MCTP1: variants seen among roughly 807,000 people sequenced by gnomAD.
The protein encoded by MCTP1 is multiple C2 and transmembrane domain-containing protein 1.
In MCTP1, 69 loss-of-function variants were observed where a neutral mutation model predicts 120.6. That is an observed-to-expected ratio of 0.57 (90% CI 0.47 to 0.70). The LOEUF is 0.70. MCTP1 is among the 30% of genes least tolerant of loss of function. The pLI is 0.00. For missense variants in MCTP1, 1,203 were observed against 1,248.8 expected (o/e 0.96, Z 0.55); for synonymous variants, 529 against 493.1 (o/e 1.07, Z -0.96).
At chr5:95,091,591 G>A (rs1755848823) in intron 1 of MCTP1, among the ~76,000 whole-genome samples, 1 of 152,170 alleles carries the variant, frequency 6.6e-6, no homozygotes, top group South Asian at 2.1e-4. Flanking sequence ...GCCTTGCTGT[G>A]AGGAAGCCCA....
chr5:94,850,705 T>A (rs1793516800), intron 17 of MCTP1, among the ~76,000 whole-genome samples: 1 of 152,136 alleles, frequency 6.6e-6, no homozygotes, highest in African/African-American at 2.4e-5. Flanking sequence ...CTGAATAATG[T>A]ACATTGCTTT....
chr5:94,731,813 AC>A (rs1763172497), intron 19 of MCTP1, among the ~76,000 whole-genome samples: 1 of 152,242 alleles, frequency 6.6e-6, no homozygotes, highest in Admixed American at 6.5e-5. Flanking sequence ...TTATAAATTA[AC>A]ATTAAAAATT....
intron 18 of MCTP1, 32 bp downstream of exon 18, chr5:94,798,981 A>C (rs764028030): frequency 1.2e-5 from 19 of 1,594,512 alleles, no homozygotes; most frequent in Admixed American, 1.8e-5. Flanking sequence ...ATAAGAACAA[A>C]AACACATACA....
Position 95,031,801 on chromosome 5 carries a change from C to T in MCTP1, c.721-14317G>A, listed in dbSNP as rs554089308. ...CACTAAAAAGACATAGAGTGGCAAACGGGACAACAGCAACAAAGATCCAAT... is the reference window on the plus strand; with the variant it reads ...CACTAAAAAGACATAGAGTGGCAAATGGGACAACAGCAACAAAGATCCAAT... On this transcript the variant is annotated intron_variant, in intron 1 of 22. Transcript: ENST00000515393. Among the ~76,000 whole-genome samples, 8 of 152,132 alleles carry T rather than the reference C, an allele frequency of 5.3e-5. No homozygotes were observed. The South Asian group carries it at 6.2e-4, about 12-fold the overall frequency.
chr5:95,114,258 AAAAGT>A (rs1234955460), intron 1 of MCTP1, among the ~76,000 whole-genome samples: 1 of 152,204 alleles, frequency 6.6e-6, no homozygotes, highest in Non-Finnish European at 1.5e-5. Flanking sequence ...ATGCAGAAAG[AAAAGT>A]AAAGAGCACT....
Position 95,105,911 on chromosome 5 carries a change from G to A in MCTP1, c.721-88427C>T, listed in dbSNP as rs117189733. On this transcript the variant is annotated intron_variant, in intron 1 of 22. Transcript: ENST00000515393. ...CATCTTTTTCTCACCATGTGTTATA[G>A]GTTTCGAGGCTCAGAAACTCCAAGT... Among the ~76,000 whole-genome samples, 342 of 152,178 alleles carry A rather than the reference G, an allele frequency of 2.2e-3. 2 individuals are homozygous for A. Among genetic ancestry groups the A allele is most frequent in the East Asian group, 8.7e-3 (45 of 5,170 alleles).
intron 2 of MCTP1, among the ~76,000 whole-genome samples, chr5:95,014,727 T>A (rs1836742996): frequency 6.6e-6 from 1 of 152,158 alleles, no homozygotes. Context: ...AATAGTTCAT[T>A]GACTTAGTTG....
intron 18 of MCTP1, among the ~76,000 whole-genome samples, chr5:94,790,506 T>C (rs866557042): frequency 1.3e-5 from 2 of 152,016 alleles, no homozygotes; most frequent in Non-Finnish European, 1.5e-5. Flanking sequence ...GTGTGTTGGG[T>C]TAATAGGATG....
chr5:94,990,582 C>A (rs1831344552), intron 2 of MCTP1, among the ~76,000 whole-genome samples: 1 of 152,194 alleles, frequency 6.6e-6, no homozygotes, highest in Non-Finnish European at 1.5e-5. Context: ...TGATTAAGAC[C>A]ACCAAAGATC....
intron 5 of MCTP1, 72 bp from the exon 6 acceptor site, chr5:94,932,063 G>T: frequency 9.3e-7 from 1 of 1,070,990 alleles, no homozygotes; most frequent in Non-Finnish European, 1.4e-6. Context: ...TTGTTTTTTA[G>T]CGGAAACATT....
At chr5:94,874,435 CTTTAA>C (rs1351776205) in intron 12 of MCTP1, among the ~76,000 whole-genome samples, 1 of 152,048 alleles carries the variant, frequency 6.6e-6, no homozygotes, top group Non-Finnish European at 1.5e-5. Context: ...TTTGACTCAC[CTTTAA>C]TTTATTAACT....
intron 19 of MCTP1, among the ~76,000 whole-genome samples, chr5:94,756,958 G>A (rs894382420): frequency 1.5e-4 from 23 of 152,056 alleles, no homozygotes; most frequent in African/African-American, 4.6e-4. Flanking sequence ...AGGTCATAGG[G>A]CAATATGGCA....
At chr5:94,831,776 A>G (rs1190294349) in intron 17 of MCTP1, among the ~76,000 whole-genome samples, 1 of 152,246 alleles carries the variant, frequency 6.6e-6, no homozygotes, top group Non-Finnish European at 1.5e-5. Context: ...TTTTATGGGA[A>G]CACAATATAT....
At chr5:95,180,989 A>G (rs181245839) in intron 1 of MCTP1, among the ~76,000 whole-genome samples, 50 of 152,124 alleles carry the variant, frequency 3.3e-4, no homozygotes, top group African/African-American at 1.2e-3. Context: ...CTCTTCTTAA[A>G]CCCTATTGCT....
chr5:95,092,679 TGAAAGAAAAAGAAAAAAA>T (rs1237347967), intron 1 of MCTP1, among the ~76,000 whole-genome samples: 4 of 149,010 alleles, frequency 2.7e-5, no homozygotes, highest in South Asian at 2.1e-4. Flanking sequence ...AAATTAATAA[TGAAAGAAAAAGAAAAAAA>T]GAAAGAAAAA....
At chr5:94,760,101 T>C (rs1323290064) in intron 19 of MCTP1, among the ~76,000 whole-genome samples, 1 of 152,022 alleles carries the variant, frequency 6.6e-6, no homozygotes. Context: ...TTCCATGTGG[T>C]ATCTAGAGAT....
At chr5:94,993,573 T>C (rs751826488) in intron 2 of MCTP1, among the ~76,000 whole-genome samples, 1 of 152,274 alleles carries the variant, frequency 6.6e-6, no homozygotes. Flanking sequence ...TCTCTCAAGA[T>C]GGGATGAGGG....
chr5:95,025,155 A>C (rs1581900875), intron 1 of MCTP1, among the ~76,000 whole-genome samples: 1 of 152,318 alleles, frequency 6.6e-6, no homozygotes, highest in East Asian at 1.9e-4. Context: ...TCACACTATC[A>C]GATTTCAAAA....
intron 17 of MCTP1, among the ~76,000 whole-genome samples, chr5:94,806,647 T>C (rs1262779889): frequency 5.9e-5 from 9 of 152,182 alleles, no homozygotes; most frequent in Admixed American, 5.2e-4. Flanking sequence ...TCAAAAAAAA[T>C]CATTTAAGTT....
Sources: allele counts gnomAD v4.1 joint callset (sites outside exome capture counted in the v4.1 genomes callset), GRCh38; gene constraint gnomAD v4.1.1; transcripts MANE v1.5; gene names NCBI Gene and HGNC (gene_info 2026-07-23, HGNC 2026-07-21).